STK3: variants seen among roughly 807,000 people sequenced by gnomAD.
The protein encoded by STK3 is serine/threonine-protein kinase 3.
A neutral mutation model predicts 58.0 loss-of-function variants in STK3; 41 were observed. The ratio of observed to expected loss-of-function variants is 0.71; its 90% confidence interval spans 0.55 to 0.92. STK3 has a LOEUF of 0.92. Ranked by LOEUF, STK3 falls within the 40% of genes least tolerant of loss-of-function variation. The pLI, the probability that STK3 is intolerant of heterozygous loss-of-function variation, is 0.00. For missense variants in STK3, 479 were observed against 602.7 expected (o/e 0.79, Z 2.15); for synonymous variants, 170 against 191.0 (o/e 0.89, Z 0.91).
chr8:98,392,829 C>T (rs1307835099), upstream of STK3, among the ~76,000 whole-genome samples: 7 of 152,226 alleles, frequency 4.6e-5, no homozygotes, highest in Non-Finnish European at 8.8e-5. Flanking sequence ...TGGGTTGGCA[C>T]TGAAAGGTAG....
At chr8:98,382,374 G>C (rs190766139) in intron 1 of STK3, among the ~76,000 whole-genome samples, 1 of 152,120 alleles carries the variant, frequency 6.6e-6, no homozygotes, top group Non-Finnish European at 1.5e-5. Context: ...CTAAATTATC[G>C]CAGTGTACAT....
chr8:98,710,204 C>A lies in STK3; in HGVS notation c.352-2893G>T, dbSNP rs932959287. On this transcript the variant is annotated intron_variant, in intron 4 of 10. Coordinates refer to ENST00000419617, the MANE Select transcript of STK3 (RefSeq NM_006281.4). ...ATAGGAACAGCTCCAGTCTAAAGCT[C>A]CCAGCGTGAGCATTGCAGAAGACAC... Among the ~76,000 whole-genome samples, 4 of 152,084 alleles carry A rather than the reference C, an allele frequency of 2.6e-5. No individual in the cohort carries two copies. In the East Asian group the frequency reaches 7.7e-4, roughly 29 times the overall value.
intron 1 of STK3, among the ~76,000 whole-genome samples, chr8:98,785,593 C>T (rs1832413768): frequency 6.6e-6 from 1 of 152,180 alleles, no homozygotes; most frequent in Admixed American, 6.5e-5. Flanking sequence ...GACTACTGTA[C>T]ACTCCACAAA....
chr8:98,787,826 C>T (rs34329419), intron 1 of STK3, among the ~76,000 whole-genome samples: 5,186 of 152,160 alleles, frequency 0.034, 117 homozygotes, highest in South Asian at 0.068. Flanking sequence ...TTGCACCCAG[C>T]GAAACTAAGC....
At chr8:98,349,893 C>T in the STK3 span, among the ~76,000 whole-genome samples, 3 of 152,030 alleles carry the variant, frequency 2.0e-5, no homozygotes, top group East Asian at 1.9e-4. Flanking sequence ...CCTAGGCCTC[C>T]AGGCCTGTGA....
intron 4 of STK3, among the ~76,000 whole-genome samples, chr8:98,730,541 AC>A (rs1828097907): frequency 6.6e-6 from 1 of 151,966 alleles, no homozygotes; most frequent in South Asian, 2.1e-4. Context: ...ACATGGTGAA[AC>A]CCCATCTCTA....
At chr8:98,386,072 CTGTT>C (rs1215729418) in intron 1 of STK3, among the ~76,000 whole-genome samples, 3 of 152,144 alleles carry the variant, frequency 2.0e-5, no homozygotes, top group East Asian at 1.9e-4. Context: ...ACAATATACT[CTGTT>C]AGGTAGGCAG....
In STK3 at chr8:98,923,854, T is replaced by TGTGTGTGCGC. The variant is rs1491486943; in HGVS notation, c.-79+18523_-79+18524insGCGCACACAC. On this transcript the variant is annotated intron_variant, in intron 1 of 1. Transcript: ENST00000519420. ...GTGTGTGTGTGTGTGTGTGTGTGTGTGCGCGCGCGCGCGCGCGCGCGCGTT... is the reference window on the plus strand; with the variant it reads ...GTGTGTGTGTGTGTGTGTGTGTGTGTGTGTGTGCGCGCGCGCGCGCGCGCGCGCGCGCGTT... Among the ~76,000 whole-genome samples the TGTGTGTGCGC allele has an allele frequency of 6.2e-5, 7 of 113,694 alleles. No homozygotes were observed. The East Asian group carries it at 9.4e-4, about 15-fold the overall frequency. The allele number at this position is 113,694 out of a possible 152,430, so 74.6% of individuals were successfully genotyped here.
At chr8:98,895,842 A>T (rs1838424241) in intron 1 of STK3, among the ~76,000 whole-genome samples, 1 of 152,212 alleles carries the variant, frequency 6.6e-6, no homozygotes, top group Non-Finnish European at 1.5e-5. Flanking sequence ...TTCTACTTGC[A>T]GCAGAAATTA....
chr8:98,360,150 G>A, the STK3 span, among the ~76,000 whole-genome samples: 2 of 152,088 alleles, frequency 1.3e-5, no homozygotes, highest in African/African-American at 4.8e-5. Context: ...CAAATACCTG[G>A]GGGTTCCCCT....
chr8:98,738,300 C>T (rs1325448928), intron 4 of STK3, among the ~76,000 whole-genome samples: 3 of 151,926 alleles, frequency 2.0e-5, no homozygotes, highest in African/African-American at 7.3e-5. Flanking sequence ...TGGCGAAACC[C>T]TATCTCTACT....
chr8:98,869,943 C>T lies in STK3; in HGVS notation c.110+13704G>A, dbSNP rs529188155. 2.6e-4 allele frequency among the ~76,000 whole-genome samples: 40 copies of T among 151,920 alleles called. 1 individual carries two copies. Among genetic ancestry groups the T allele is most frequent in the South Asian group, 1.0e-3 (5 of 4,812 alleles). ...ATGTGCCATGGTGGTGTGCTGCACC[C>T]GTTAACTCGTCATTTACATTAGGTA... On this transcript the variant is annotated intron_variant, in intron 3 of 12. Coordinates refer to the STK3 transcript ENST00000523601.
At chr8:98,668,654 T>C (rs1214806653) in intron 6 of STK3, among the ~76,000 whole-genome samples, 1 of 152,160 alleles carries the variant, frequency 6.6e-6, no homozygotes, top group Non-Finnish European at 1.5e-5. Flanking sequence ...AAGAAAAATA[T>C]ACAGCATTAT....
chr8:98,382,468 A>T (rs1341097812), intron 1 of STK3, among the ~76,000 whole-genome samples: 2 of 152,124 alleles, frequency 1.3e-5, no homozygotes, highest in South Asian at 4.1e-4. Flanking sequence ...TCCCAGCCCC[A>T]GGGTGGTGAG....
intron 1 of STK3, among the ~76,000 whole-genome samples, chr8:98,811,360 C>A (rs1458358294): frequency 6.6e-6 from 1 of 152,132 alleles, no homozygotes; most frequent in East Asian, 1.9e-4. Context: ...AGCTGTATCA[C>A]TACTAATAGT....
At chr8:98,686,482 T>C (rs1824010507) in intron 6 of STK3, among the ~76,000 whole-genome samples, 1 of 152,220 alleles carries the variant, frequency 6.6e-6, no homozygotes, top group Non-Finnish European at 1.5e-5. Flanking sequence ...CACATTTACA[T>C]GGCAGAAAAT....
chr8:98,911,950 G>T (rs554511653), intron 1 of STK3, among the ~76,000 whole-genome samples: 3 of 152,184 alleles, frequency 2.0e-5, no homozygotes, highest in African/African-American at 7.2e-5. Context: ...AAATAATTAG[G>T]TTATAGAAAA....
At chr8:98,755,282 C>T (rs188324664) in intron 3 of STK3, among the ~76,000 whole-genome samples, 26 of 152,318 alleles carry the variant, frequency 1.7e-4, no homozygotes, top group African/African-American at 6.0e-4. Flanking sequence ...AACACACATT[C>T]ACAATTTGGA....
At chr8:98,430,866 A>G (rs1696989075) in intron 3 of STK3, 1 of 167,126 alleles carries the variant, frequency 6.0e-6, no homozygotes, top group South Asian at 2.1e-4. Flanking sequence ...CCAAACTTGT[A>G]TTGAAGGGAG....
Sources: allele counts gnomAD v4.1 joint callset (sites outside exome capture counted in the v4.1 genomes callset), GRCh38; gene constraint gnomAD v4.1.1; transcripts MANE v1.5; gene names NCBI Gene and HGNC (gene_info 2026-07-23, HGNC 2026-07-21).